The following EBF1 variants were observed in gnomAD, a reference collection of about 807,000 sequenced individuals.
EBF1 encodes the protein EBF transcription factor 1.
In EBF1, 10 loss-of-function variants were observed where a neutral mutation model predicts 68.4. The ratio of observed to expected loss-of-function variants is 0.15; its 90% CI spans 0.09 to 0.25. The LOEUF (loss-of-function observed/expected upper bound fraction) is 0.25. EBF1 is among the 10% of genes least tolerant of loss of function. The pLI, the probability that EBF1 is intolerant of heterozygous loss-of-function variation, is 1.00. For synonymous variants in EBF1, 298 were observed against 299.8 expected (o/e 0.99, Z 0.06); for missense variants, 509 against 794.4 (o/e 0.64, Z 4.32).
intron 6 of EBF1, among the ~76,000 whole-genome samples, chr5:158,892,219 TG>T (rs1483705981): frequency 6.6e-6 from 1 of 152,180 alleles, no homozygotes; most frequent in African/African-American, 2.4e-5. Context: ...CCAGGCACAG[TG>T]GCTTATGCCT....
At chr5:158,917,404 C>T (rs1371458097) in intron 6 of EBF1, among the ~76,000 whole-genome samples, 1 of 152,198 alleles carries the variant, frequency 6.6e-6, no homozygotes, top group Non-Finnish European at 1.5e-5. Context: ...CTACCCCCAT[C>T]TGTAAACCTC....
rs1055877758 is a variant in EBF1 at position 158,696,467 on chromosome 5, A to G, written c.*2644T>C. On this transcript the variant is annotated 3_prime_UTR_variant, in exon 16 of 16. Coordinates refer to ENST00000313708, the MANE Select transcript of EBF1 (RefSeq NM_024007.5). ...TCTGTTGTCAAGGTCTAAGCCGGAC[A>G]CCTTCCCGGCTGACCGTTCATTCCT... 21 of 223,032 alleles carry G rather than the reference A, an allele frequency of 9.4e-5. No homozygotes were observed. The highest frequency in any genetic ancestry group is 3.8e-4 in the African/African-American group (17 of 44,808). The allele number at this position is 223,032 out of a possible 1,614,324, so 13.8% of individuals were successfully genotyped here. A position where few individuals can be genotyped will look rare whatever the true frequency, so the allele number is the denominator to read the frequency against.
At position 158,884,142 on chromosome 5, in the gene EBF1, C is replaced by T. The variant is rs934248538; in HGVS notation, c.555-44032G>A. On this transcript the variant is annotated intron_variant, in intron 6 of 15. Coordinates refer to ENST00000313708, the MANE Select transcript of EBF1 (RefSeq NM_024007.5). The stretch of plus-strand genomic sequence containing the variant: ...TCCTGACAGCTTAAGTCACTGTTGT[C>T]ATATTTTCAGAGACTTATTTTGGTT... Among the ~76,000 whole-genome samples, 84 of 152,298 alleles carry T rather than the reference C, an allele frequency of 5.5e-4. 1 individual carries two copies. The highest frequency in any genetic ancestry group is 2.0e-3 in the African/African-American group (83 of 41,570).
chr5:158,844,738 C>A (rs1030793155), intron 6 of EBF1, among the ~76,000 whole-genome samples: 1 of 152,194 alleles, frequency 6.6e-6, no homozygotes, highest in African/African-American at 2.4e-5. Context: ...TAGTCTACTA[C>A]CTCAAATGGG....
intron 6 of EBF1, among the ~76,000 whole-genome samples, chr5:158,990,316 G>A (rs560074167): frequency 5.3e-5 from 8 of 152,302 alleles, no homozygotes; most frequent in East Asian, 1.9e-4. Flanking sequence ...TCCTGGCTCC[G>A]TGAAGCCAGC....
intron 11 of EBF1, among the ~76,000 whole-genome samples, chr5:158,715,427 T>C (rs1366887976): frequency 6.6e-6 from 1 of 152,212 alleles, no homozygotes; most frequent in African/African-American, 2.4e-5. Context: ...TATTAGCATT[T>C]TTCAATTTTA....
chr5:158,876,161 A>G (rs1023228838), intron 6 of EBF1, among the ~76,000 whole-genome samples: 3 of 152,204 alleles, frequency 2.0e-5, no homozygotes, highest in Non-Finnish European at 2.9e-5. Flanking sequence ...ATAAAATATA[A>G]TAATATTAGC....
chr5:158,812,086 A>C (rs1265536489), intron 8 of EBF1, among the ~76,000 whole-genome samples: 2 of 152,322 alleles, frequency 1.3e-5, no homozygotes, highest in Non-Finnish European at 2.9e-5. Context: ...ACTTACACTC[A>C]TGTGACAGTC....
intron 6 of EBF1, among the ~76,000 whole-genome samples, chr5:158,853,174 CTCT>C (rs1002447101): frequency 1.3e-5 from 2 of 152,184 alleles, no homozygotes; most frequent in African/African-American, 4.8e-5. Context: ...GTCTGCTATT[CTCT>C]TTTTTAGAGA....
chr5:158,918,775 A>C (rs1452992281), intron 6 of EBF1, among the ~76,000 whole-genome samples: 3 of 152,252 alleles, frequency 2.0e-5, no homozygotes, highest in African/African-American at 7.2e-5. Context: ...TACTCAGAGC[A>C]GCATCCTGTG....
chr5:158,823,400 T>C, intron 7 of EBF1, 83 bp from the exon 8 acceptor site: 1 of 1,362,842 alleles, frequency 7.3e-7, no homozygotes, highest in South Asian at 1.4e-5. Flanking sequence ...AAATAACAGC[T>C]GGGAGCTGAA....
chr5:158,814,508 A>T (rs1783331710), intron 8 of EBF1, among the ~76,000 whole-genome samples: 1 of 152,220 alleles, frequency 6.6e-6, no homozygotes, highest in East Asian at 1.9e-4. Flanking sequence ...TAGCTCAACC[A>T]ACCAAATACT....
intron 10 of EBF1, among the ~76,000 whole-genome samples, chr5:158,775,042 A>T (rs1774816464): frequency 6.6e-6 from 1 of 151,846 alleles, no homozygotes; most frequent in African/African-American, 2.4e-5. Flanking sequence ...AGATCACCAG[A>T]AGCATTTTTT....
chr5:158,817,098 A>G (rs893625829), intron 8 of EBF1, among the ~76,000 whole-genome samples: 2 of 152,094 alleles, frequency 1.3e-5, no homozygotes, highest in African/African-American at 2.4e-5. Flanking sequence ...TTTGGCCTGC[A>G]TGATGTAGCC....
At chr5:158,833,260 C>T (rs1582353152) in intron 7 of EBF1, among the ~76,000 whole-genome samples, 1 of 149,378 alleles carries the variant, frequency 6.7e-6, no homozygotes, top group Non-Finnish European at 1.5e-5. Flanking sequence ...GATGGCACCA[C>T]CACACTCCAG....
chr5:158,943,314 A>T (rs1428943601), intron 6 of EBF1, among the ~76,000 whole-genome samples: 1 of 142,392 alleles, frequency 7.0e-6, no homozygotes. Flanking sequence ...CACTTCATTT[A>T]GCAAGTGTTT....
At chr5:159,050,230 C>T (rs1283938088) in intron 6 of EBF1, among the ~76,000 whole-genome samples, 2 of 149,710 alleles carry the variant, frequency 1.3e-5, no homozygotes, top group Non-Finnish European at 3.0e-5. Context: ...CTCCTCTCCT[C>T]CCTCTCTCTC....
chr5:159,067,987 C>T (rs1171733699), intron 6 of EBF1, among the ~76,000 whole-genome samples: 4 of 152,118 alleles, frequency 2.6e-5, no homozygotes, highest in Middle Eastern at 3.2e-3. Context: ...AAAGGTTTAT[C>T]GGAACGCTGA....
At chr5:159,003,879 G>T (rs1165945668) in intron 6 of EBF1, among the ~76,000 whole-genome samples, 1 of 152,172 alleles carries the variant, frequency 6.6e-6, no homozygotes, top group South Asian at 2.1e-4. Context: ...TGTAGTCAGG[G>T]TTCTCACCCA....
Sources: gnomAD v4.1 joint callset for allele counts (sites outside exome capture counted in the v4.1 genomes callset) on GRCh38, gnomAD v4.1.1 for gene constraint, MANE v1.5 for transcripts, NCBI Gene and HGNC (gene_info 2026-07-23, HGNC 2026-07-21) for gene names.